Variants in ZNF366 observed in about 807,000 individuals in gnomAD.
The protein encoded by ZNF366 is dendritic cell-specific transcript protein.
Under a neutral mutation model 47.2 loss-of-function variants are expected in ZNF366, and 20 were observed. The observed-to-expected ratio is 0.42, with a 90% confidence interval of 0.30 to 0.62. The LOEUF (loss-of-function observed/expected upper bound fraction) is 0.62, where lower values mean the gene tolerates loss of function less well. ZNF366 is among the 20% of genes least tolerant of loss of function. The pLI, the probability that ZNF366 is intolerant of heterozygous loss-of-function variation, is 0.16. For synonymous variants in ZNF366, 421 were observed against 395.1 expected, an observed-to-expected ratio of 1.07 and a Z score of -0.78; for missense variants, 987 against 976.3, an observed-to-expected ratio of 1.01 and a Z score of -0.15.
At chr5:72,444,609 A>ATT (rs34574712) in intron 4 of ZNF366, among the ~76,000 whole-genome samples, 32,242 of 150,534 alleles carry the variant, frequency 0.21, 3,570 homozygotes, top group Non-Finnish European at 0.25. Context: ...ATATCACCAT[A>ATT]TTTTTTTTTT....
intron 1 of ZNF366, among the ~76,000 whole-genome samples, chr5:72,502,784 A>G (rs574584946): frequency 1.3e-5 from 2 of 152,358 alleles, no homozygotes; most frequent in African/African-American, 4.8e-5. Flanking sequence ...ATTAACAAAT[A>G]CATGCTCACT....
chr5:72,486,809 T>C (rs191276262), intron 1 of ZNF366, among the ~76,000 whole-genome samples: 1 of 152,102 alleles, frequency 6.6e-6, no homozygotes, highest in African/African-American at 2.4e-5. Context: ...ATGGAGTCAC[T>C]CTGTCACCTA....
At chr5:72,485,184 G>A (rs761889637) in intron 1 of ZNF366, among the ~76,000 whole-genome samples, 1 of 152,148 alleles carries the variant, frequency 6.6e-6, no homozygotes, top group Non-Finnish European at 1.5e-5. Context: ...TTTCAACATT[G>A]ACACTCAGCA....
Position 72,444,118 on chromosome 5 carries a change from A to C in ZNF366, c.1873T>G (p.Cys625Gly). The change falls in exon 5 of 5, where the codon TGC (cysteine) becomes GGC (glycine). Residue 625 changes from cysteine (C) to glycine (G), a missense_variant. Cys to Gly is a radical substitution (Grantham distance 159). Transcript: ENST00000318442. ...HCHEEEEEDN[C>G]YEVEPYSPGL... ...GGGCTGTAGGGCTCCACCTCGTAGC[A>C]GTTATCCTCCTCTTCCTCCTCGTGG... 1 of 1,614,008 alleles carries C rather than the reference A, an allele frequency of 6.2e-7. No individual in the cohort carries two copies. Among genetic ancestry groups the C allele is most frequent in the South Asian group, 1.1e-5 (1 of 91,082 alleles).
At chr5:72,476,965 A>C (rs1203935068) in intron 1 of ZNF366, among the ~76,000 whole-genome samples, 1 of 151,552 alleles carries the variant, frequency 6.6e-6, no homozygotes, top group Non-Finnish European at 1.5e-5. Flanking sequence ...CTTGGAAATC[A>C]CCTCCATATG....
At position 72,458,041 on chromosome 5, in the gene ZNF366, G is replaced by C. The variant is rs1340283306; in HGVS notation, c.1333-1446C>G. Reference sequence around the variant, plus strand: ...TTTTTTTTTTTTTTTTTTTGAGACGGAATCTCACTCTGTTGCCCAGGCTGG... The same window carrying C: ...TTTTTTTTTTTTTTTTTTTGAGACGCAATCTCACTCTGTTGCCCAGGCTGG... On this transcript the variant is annotated intron_variant, in intron 2 of 4. Coordinates refer to ENST00000318442, the MANE Select transcript of ZNF366 (RefSeq NM_152625.3). Among the ~76,000 whole-genome samples, 2 of 132,514 alleles carry C rather than the reference G, an allele frequency of 1.5e-5. 1 individual carries two copies. Among genetic ancestry groups the C allele is most frequent in the Admixed American group, 1.6e-4 (2 of 12,768 alleles). The allele number at this position is 132,514 out of a possible 152,430, so 86.9% of individuals were successfully genotyped here. A position where few individuals can be genotyped will look rare whatever the true frequency, so the allele number is the denominator to read the frequency against.
rs1743307832 is a variant in ZNF366, at chr5:72,461,316, G to A, written c.181C>T (p.Pro61Ser). The A allele has an allele frequency of 6.2e-7, 1 of 1,613,938 alleles. No individual in the cohort carries two copies. The highest frequency in any genetic ancestry group is 1.7e-5 in the Admixed American group (1 of 60,004). ...PFSQFRYEPP[P>S]GDLDGFPGVF... ...CCGGGGAACCCATCTAGGTCTCCTG[G>A]GGGAGGTTCATACCGAAACTGGGAA... Residue 61 changes from proline (P) to serine (S), a missense_variant, in exon 2 of 5, where the codon CCA (proline) becomes TCA (serine). Transcript: ENST00000318442.
At chr5:72,506,245 A>C (rs538940913) in intron 1 of ZNF366, among the ~76,000 whole-genome samples, 2 of 152,354 alleles carry the variant, frequency 1.3e-5, no homozygotes, top group South Asian at 4.1e-4. Context: ...TCTGAATTAA[A>C]GTATTAATAT....
chr5:72,463,463 C>T (rs569385042), intron 1 of ZNF366, among the ~76,000 whole-genome samples: 5 of 152,260 alleles, frequency 3.3e-5, no homozygotes, highest in African/African-American at 7.2e-5. Context: ...TCTTTCTTAC[C>T]GTGGGTTTGG....
intron 1 of ZNF366, among the ~76,000 whole-genome samples, chr5:72,484,563 T>C (rs1017157796): frequency 2.6e-5 from 4 of 151,942 alleles, no homozygotes; most frequent in Admixed American, 2.0e-4. Context: ...TCTAGAAAAA[T>C]TCAACTCTTT....
At chr5:72,462,547 C>CTTTCTTTCTTTCTTTTTTTCT (rs11275151) in intron 1 of ZNF366, among the ~76,000 whole-genome samples, 10 of 78,930 alleles carry the variant, frequency 1.3e-4, no homozygotes, top group African/African-American at 4.2e-4. Flanking sequence ...TTCTTTCTTT[C>CTTTCTTTCTTTCTTTTTTTCT]TTTTTTTTTT....
chr5:72,474,389 C>T (rs1416119678), intron 1 of ZNF366, among the ~76,000 whole-genome samples: 2 of 152,168 alleles, frequency 1.3e-5, no homozygotes, highest in Non-Finnish European at 2.9e-5. Flanking sequence ...GAAAATGCCA[C>T]TGTTGATTAA....
intron 1 of ZNF366, among the ~76,000 whole-genome samples, chr5:72,487,543 C>T (rs908185612): frequency 1.3e-5 from 2 of 152,148 alleles, no homozygotes; most frequent in Non-Finnish European, 2.9e-5. Context: ...TTCTCCCCTC[C>T]TCTCTCCCTC....
At chr5:72,497,583 A>T (rs1296869978) in intron 1 of ZNF366, among the ~76,000 whole-genome samples, 1 of 152,142 alleles carries the variant, frequency 6.6e-6, no homozygotes, top group African/African-American at 2.4e-5. Flanking sequence ...TTTCTGTCCA[A>T]ATAATGCTGT....
At chr5:72,452,043 G>A (rs1457523408) in intron 3 of ZNF366, among the ~76,000 whole-genome samples, 4 of 152,232 alleles carry the variant, frequency 2.6e-5, no homozygotes, top group Admixed American at 6.5e-5. Context: ...CTGGGCTGGG[G>A]CCAGAAGCAG....
rs541229331 is a variant in ZNF366, at chr5:72,446,267, G to C, written c.1699+976C>G. ...ATAACACAGTCTCTTTCACGGCATT[G>C]TAGGGCCAAGCAATAATGTCCCTAA... On this transcript the variant is annotated intron_variant, in intron 4 of 4. Coordinates refer to ENST00000318442, the MANE Select transcript of ZNF366 (RefSeq NM_152625.3). Among the ~76,000 whole-genome samples, 7 of 152,332 alleles carry C rather than the reference G, an allele frequency of 4.6e-5. No individual in the cohort carries two copies. In the East Asian group the frequency reaches 1.2e-3, roughly 25 times the overall value.
In ZNF366 at chr5:72,493,972, CATAT is replaced by C. The variant is rs1433972410; in HGVS notation, c.-15+13275_-15+13278del. Among the ~76,000 whole-genome samples, 11 of 132,874 alleles carry C rather than the reference CATAT, an allele frequency of 8.3e-5. No homozygotes were observed. The Admixed American group carries it at 9.6e-4, about 12-fold the overall frequency. 87.2% of individuals were successfully genotyped at this position (132,874 alleles called of 152,430 possible). A position where few individuals can be genotyped will look rare whatever the true frequency, so the allele number is the denominator to read the frequency against. ...ATTTTTAGTAGAGGTGGGGTTTCAC[CATAT>C]TGGCCAGGCCAGTCTCGAACTCCTG... is the stretch of plus-strand genomic sequence containing the variant. On this transcript the variant is annotated intron_variant, in intron 1 of 4. Transcript: ENST00000318442.
At chr5:72,498,045 G>A (rs1744145710) in intron 1 of ZNF366, among the ~76,000 whole-genome samples, 1 of 151,794 alleles carries the variant, frequency 6.6e-6, no homozygotes, top group Non-Finnish European at 1.5e-5. Flanking sequence ...CCCTGCAGAA[G>A]CTTTTTATTG....
intron 1 of ZNF366, among the ~76,000 whole-genome samples, chr5:72,470,856 T>C (rs1743548384): frequency 1.3e-5 from 2 of 152,252 alleles, no homozygotes; most frequent in Non-Finnish European, 2.9e-5. Context: ...CTCCTCAGAA[T>C]GGATGGCCCC....
Sources: gnomAD v4.1 joint callset for allele counts (sites outside exome capture counted in the v4.1 genomes callset) on GRCh38, gnomAD v4.1.1 for gene constraint, MANE v1.5 for transcripts, NCBI Gene and HGNC (gene_info 2026-07-23, HGNC 2026-07-21) for gene names.